IL12RB1: variants seen among roughly 807,000 people sequenced by gnomAD.
The protein encoded by IL12RB1 is interleukin-12 receptor subunit beta-1.
IL12RB1 carries 64 observed loss-of-function variants against 94.4 expected under a neutral mutation model. The observed-to-expected ratio is 0.68, with a 90% CI of 0.55 to 0.83. The LOEUF (loss-of-function observed/expected upper bound fraction) is 0.83, where lower values mean the gene tolerates loss of function less well. Ranked by LOEUF, IL12RB1 falls within the 40% of genes least tolerant of loss-of-function variation. IL12RB1 has a pLI of 0.00. For missense variants in IL12RB1, 814 were observed against 855.6 expected (o/e 0.95, Z 0.61); for synonymous variants, 362 against 355.5 (o/e 1.02, Z -0.21).
At position 18,075,814 on chromosome 19, in the gene IL12RB1, C is replaced by A. The variant is rs748173451; in HGVS notation, c.635G>T (p.Arg212Leu). ...ACTTCCTTGGCTCCCCAGCTGCCGT[C>A]GTCGGAGCTGGAATTCCTGGGCCAC... ...MNVAQEFQLR[R>L]RQLGSQGSSW... The change falls in exon 7 of 17, where the codon CGA (arginine) becomes CTA (leucine). Residue 212 changes from arginine (R) to leucine (L), a missense_variant. Arg to Leu is a moderately radical substitution (Grantham distance 102). Coordinates refer to ENST00000593993, the MANE Select transcript of IL12RB1 (RefSeq NM_005535.3). 4 of 1,612,284 alleles carry A rather than the reference C, an allele frequency of 2.5e-6. No homozygotes were observed. Among genetic ancestry groups the A allele is most frequent in the Non-Finnish European group, 3.4e-6 (4 of 1,178,344 alleles).
chr19:18,070,506 C>A, intron 9 of IL12RB1: 1 of 984,844 alleles, frequency 1.0e-6, no homozygotes. Flanking sequence ...CTCTCCCACT[C>A]CCTCCCGCCA....
intron 8 of IL12RB1, 33 bp from the exon 9 acceptor site, chr19:18,072,382 C>T: frequency 7.4e-7 from 1 of 1,359,562 alleles, no homozygotes; most frequent in African/African-American, 1.4e-5. Flanking sequence ...CTTGTGGGTA[C>T]CTGATCACAC....
chr19:18,080,025 GT>G (rs17886295), intron 4 of IL12RB1, among the ~76,000 whole-genome samples: 15,416 of 152,064 alleles, frequency 0.1, 940 homozygotes, highest in East Asian at 0.28. Flanking sequence ...CAAATGACAT[GT>G]TTTCCTTCAT....
At chr19:18,086,249 TA>T (rs2036331385) in intron 1 of IL12RB1, among the ~76,000 whole-genome samples, 1 of 150,574 alleles carries the variant, frequency 6.6e-6, no homozygotes, top group Non-Finnish European at 1.5e-5. Flanking sequence ...AATAAATAAA[TA>T]AATAAATAAA....
chr19:18,086,775 G>A lies in IL12RB1; in HGVS notation c.49C>T (p.Leu17=), dbSNP rs1421435681. The A allele has an allele frequency of 1.9e-6, 3 of 1,611,420 alleles. No homozygotes were observed. The highest frequency in any genetic ancestry group is 2.7e-5 in the African/African-American group (2 of 74,804). ...GGGGACTCACCGCCCTGCCTGGACA[G>A]CAGGAAGAGGAAGAGGAGGGGGACC... The part of the protein sequence containing the change: ...WVVPLLFLFL[L]SRQGAACRTS... Residue 17 remains leucine (L), a synonymous_variant, in exon 1 of 17, where the codon CTG becomes TTG. Transcript: ENST00000593993.
rs369342838 is a variant in IL12RB1, at chr19:18,086,797, G to A, written c.27C>T (p.Val9=). The A allele has an allele frequency of 1.2e-6, 2 of 1,611,980 alleles. No individual in the cohort carries two copies. Among genetic ancestry groups the A allele is most frequent in the Non-Finnish European group, 1.7e-6 (2 of 1,179,486 alleles). MEPLVTWV[V]PLLFLFLLSR... is the part of the protein sequence containing the mutation. ...ACAGCAGGAAGAGGAAGAGGAGGGG[G>A]ACCACCCAGGTCACCAGCGGCTCCA... The change falls in exon 1 of 17, where the codon GTC becomes GTT. Residue 9 remains valine (V), a synonymous_variant. Coordinates refer to ENST00000593993, the MANE Select transcript of IL12RB1 (RefSeq NM_005535.3).
upstream of IL12RB1, among the ~76,000 whole-genome samples, chr19:18,087,879 T>C (rs1274919861): frequency 6.6e-6 from 1 of 152,154 alleles, no homozygotes; most frequent in African/African-American, 2.4e-5. Flanking sequence ...TGTTCTTGGA[T>C]GGCCTAATTT....
intron 1 of IL12RB1, 45 bp from the exon 2 acceptor site, chr19:18,083,536 G>T: frequency 6.3e-7 from 1 of 1,593,700 alleles, no homozygotes; most frequent in Non-Finnish European, 8.6e-7. Flanking sequence ...GCCTTGCACT[G>T]TGTGGGGAGA....
At chr19:18,098,860 G>A (rs1273111078) in exon 1 of IL12RB1, 1 of 454,472 alleles carries the variant, frequency 2.2e-6, no homozygotes, top group Non-Finnish European at 4.4e-6. Context: ...ACCTGTTGGG[G>A]GAGGTAGACG....
chr19:18,089,423 G>A (rs746686062), upstream of IL12RB1, among the ~76,000 whole-genome samples: 3 of 152,010 alleles, frequency 2.0e-5, no homozygotes. Context: ...TCAGGAGTTC[G>A]AGACCAGCCT....
intron 13 of IL12RB1, among the ~76,000 whole-genome samples, chr19:18,062,495 G>A (rs928964322): frequency 2.0e-5 from 3 of 152,120 alleles, no homozygotes; most frequent in Non-Finnish European, 2.9e-5. Context: ...ATTCCAGGCC[G>A]GGCACAGTGA....
rs551038225 is a variant in IL12RB1 at position 18,064,193 on chromosome 19, G to A, written c.1484-183C>T. Among the ~76,000 whole-genome samples, 7 of 142,210 alleles carry A rather than the reference G, an allele frequency of 4.9e-5. No homozygotes were observed. The East Asian group carries it at 1.3e-3, about 26-fold the overall frequency. 93.3% of individuals were successfully genotyped at this position (142,210 alleles called of 152,430 possible). ...CTTGCTCTGTCGCCCAGGCTGGAGT[G>A]TAGTGGCGCCATCTCGGCTCACTGC... On this transcript the variant is annotated intron_variant, in intron 12 of 16. Transcript: ENST00000593993.
At chr19:18,066,731 A>T (rs1302476175) in intron 11 of IL12RB1, 34 bp from the exon 12 acceptor site, 1 of 1,586,256 alleles carries the variant, frequency 6.3e-7, no homozygotes, top group Non-Finnish European at 8.6e-7. Context: ...GTCAACACCA[A>T]GAATGCTGGT....
intron 8 of IL12RB1, among the ~76,000 whole-genome samples, chr19:18,072,946 C>CAAAAA (rs11336251): frequency 1.3e-5 from 1 of 75,214 alleles, no homozygotes; most frequent in Admixed American, 1.7e-4. Flanking sequence ...GACTCCATCT[C>CAAAAA]AAAAAAAAAA....
At position 18,063,921 on chromosome 19, in the gene IL12RB1, C is replaced by T. The variant is rs11575935; in HGVS notation, c.1573G>A (p.Ala525Thr). 8,389 of 1,613,430 alleles carry T rather than the reference C, an allele frequency of 5.2e-3. 167 individuals carry two copies. Among genetic ancestry groups the T allele is most frequent in the East Asian group, 0.04 (1,815 of 44,850 alleles). The change falls in exon 13 of 17, where the codon GCG becomes ACG. Residue 525 changes from alanine (A) to threonine (T), a missense_variant. Ala to Thr is a moderately conservative substitution (Grantham distance 58). Coordinates refer to ENST00000593993, the MANE Select transcript of IL12RB1 (RefSeq NM_005535.3). Reference sequence around the variant, plus strand: ...TGGCTCCAGACACCCCTCAGCCACGCTGTGTCTGCTCGCACCTGCACCGTG... The same window carrying T: ...TGGCTCCAGACACCCCTCAGCCACGTTGTGTCTGCTCGCACCTGCACCGTG... ...AYTVQVRADTAWLRGVWSQPQ... is the reference protein window; with the variant it reads ...AYTVQVRADTTWLRGVWSQPQ...
At chr19:18,093,022 A>G (rs559145640) in intron 1 of IL12RB1, among the ~76,000 whole-genome samples, 1 of 151,984 alleles carries the variant, frequency 6.6e-6, no homozygotes, top group African/African-American at 2.4e-5. Context: ...TATAGATGTT[A>G]GGCCGGGCAC....
chr19:18,072,808 A>G (rs1023696013), intron 8 of IL12RB1, among the ~76,000 whole-genome samples: 4 of 151,866 alleles, frequency 2.6e-5, no homozygotes, highest in South Asian at 2.1e-4. Flanking sequence ...TTAGCCCGGC[A>G]TGGTGGTGGG....
rs189409275 is a variant in IL12RB1, at chr19:18,073,403, T to A, written c.783+114A>T. The A allele has an allele frequency of 3.9e-3, 2,938 of 747,446 alleles. 22 individuals carry two copies. The highest frequency in any genetic ancestry group is 4.5e-3 in the Non-Finnish European group (1,862 of 409,936). The allele number at this position is 747,446 out of a possible 1,614,324, so 46.3% of individuals were successfully genotyped here. Reference sequence around the variant, plus strand: ...TTAAACCCACAATTTGCCCACTTCCTGCCACCTCTACATCTCATCTCCCTC... The same window carrying A: ...TTAAACCCACAATTTGCCCACTTCCAGCCACCTCTACATCTCATCTCCCTC... On this transcript the variant is annotated intron_variant, in intron 8 of 16. Coordinates refer to ENST00000593993, the MANE Select transcript of IL12RB1 (RefSeq NM_005535.3).
intron 7 of IL12RB1, among the ~76,000 whole-genome samples, chr19:18,073,938 C>T (rs1238842463): frequency 6.6e-6 from 1 of 152,218 alleles, no homozygotes; most frequent in African/African-American, 2.4e-5. Context: ...GATTCTCCTG[C>T]CTCAGCCTTC....
Sources: gnomAD v4.1 joint callset for allele counts (sites outside exome capture counted in the v4.1 genomes callset) on GRCh38, gnomAD v4.1.1 for gene constraint, MANE v1.5 for transcripts, NCBI Gene and HGNC (gene_info 2026-07-23, HGNC 2026-07-21) for gene names.